RBFOX2: variants seen among roughly 807,000 people sequenced by gnomAD.
RBFOX2 encodes the protein RNA binding fox-1 homolog 2.
In RBFOX2, 10 loss-of-function variants were observed where a neutral mutation model predicts 49.1. The observed-to-expected ratio is 0.20, with a 90% confidence interval of 0.13 to 0.35. RBFOX2 has a LOEUF of 0.35. Among genes scored for constraint, RBFOX2 ranks in the 10% least tolerant of loss-of-function variants. The pLI, the probability that RBFOX2 is intolerant of heterozygous loss-of-function variation, is 1.00. For missense variants in RBFOX2, 323 were observed against 486.9 expected (o/e 0.66, Z 3.17); for synonymous variants, 183 against 187.4 (o/e 0.98, Z 0.19).
chr22:35,878,281 C>T (rs1240034323), intron 1 of RBFOX2, among the ~76,000 whole-genome samples: 1 of 152,052 alleles, frequency 6.6e-6, no homozygotes, highest in African/African-American at 2.4e-5. Context: ...ACCTTTAAAC[C>T]CAGCTACTCA....
At chr22:35,849,058 T>C (rs2041566365) in intron 1 of RBFOX2, among the ~76,000 whole-genome samples, 1 of 152,182 alleles carries the variant, frequency 6.6e-6, no homozygotes, top group South Asian at 2.1e-4. Flanking sequence ...AATAAGATGT[T>C]ACTAATGTCA....
At chr22:35,886,681 A>G (rs954394650) in intron 1 of RBFOX2, among the ~76,000 whole-genome samples, 2 of 152,258 alleles carry the variant, frequency 1.3e-5, no homozygotes, top group African/African-American at 2.4e-5. Context: ...AAGGGACAGT[A>G]AAGATACAAT....
chr22:35,800,305 C>T (rs1198219417), intron 2 of RBFOX2, among the ~76,000 whole-genome samples: 3 of 152,138 alleles, frequency 2.0e-5, no homozygotes, highest in Non-Finnish European at 1.5e-5. Context: ...ACCCTGCATA[C>T]GCTGTGACAG....
At position 35,832,365 on chromosome 22, in the gene RBFOX2, CCT is replaced by C. The variant is rs548332846; in HGVS notation, c.27+7825_27+7826del. On this transcript the variant is annotated intron_variant, in intron 1 of 11. Coordinates refer to ENST00000405409, the Ensembl canonical transcript of RBFOX2. ...TCCAACCTGGGCGAAAGAGTGAGAC[CCT>C]GTCTCAAAAACAACAAAAAAGAAAC... Among the ~76,000 whole-genome samples, 211 of 151,866 alleles carry C rather than the reference CCT, an allele frequency of 1.4e-3. 1 individual carries two copies. The highest frequency in any genetic ancestry group is 5.0e-3 in the African/African-American group (209 of 41,400).
chr22:35,976,601 T>C (rs1277544127), intron 1 of RBFOX2, among the ~76,000 whole-genome samples: 1 of 152,156 alleles, frequency 6.6e-6, no homozygotes, highest in Non-Finnish European at 1.5e-5. Context: ...ATGAAAATAT[T>C]TACAAATGTG....
At chr22:36,026,679 G>A (rs138284214) in intron 1 of RBFOX2, among the ~76,000 whole-genome samples, 47 of 151,996 alleles carry the variant, frequency 3.1e-4, no homozygotes, top group African/African-American at 1.1e-3. Context: ...TTTTTGCCAT[G>A]GCCCTGAGCT....
chr22:35,778,001 A>C (rs772394951), intron 4 of RBFOX2, 24 bp downstream of exon 5: 1 of 1,590,350 alleles, frequency 6.3e-7, no homozygotes, highest in South Asian at 1.1e-5. Context: ...AATCAAGCAC[A>C]CTTGACACTG....
rs192845937 is a variant in RBFOX2, at chr22:35,765,563, A to G, written c.547-80T>C. 6.9e-6 allele frequency: 5 copies of G among 724,562 alleles called. No homozygotes were observed. The East Asian group carries it at 1.5e-4, about 21-fold the overall frequency. 44.9% of individuals were successfully genotyped at this position (724,562 alleles called of 1,614,324 possible). A position where few individuals can be genotyped will look rare whatever the true frequency, so the allele number is the denominator to read the frequency against. The stretch of plus-strand genomic sequence containing the variant: ...CATAAAGTTGCACATCCAATAACAG[A>G]GTATTTAGTTTAAAATGTAAATTTC... On this transcript the variant is annotated intron_variant, in intron 5 of 11. Transcript: ENST00000405409.
At chr22:35,950,599 G>A (rs1176962589) in intron 1 of RBFOX2, among the ~76,000 whole-genome samples, 2 of 152,072 alleles carry the variant, frequency 1.3e-5, no homozygotes, top group Non-Finnish European at 2.9e-5. Flanking sequence ...GTAGTTTTTG[G>A]CAACTTCAAA....
intron 1 of RBFOX2, among the ~76,000 whole-genome samples, chr22:35,930,070 C>T (rs895121848): frequency 7.0e-6 from 1 of 142,022 alleles, no homozygotes; most frequent in African/African-American, 2.7e-5. Context: ...CGCCCAGGCT[C>T]GAGTGCAGTG....
chr22:36,009,898 A>T (rs1005513930), intron 1 of RBFOX2, among the ~76,000 whole-genome samples: 1 of 152,242 alleles, frequency 6.6e-6, no homozygotes, highest in South Asian at 2.1e-4. Flanking sequence ...TTAGGTTACC[A>T]GGTGGAATAA....
At chr22:35,951,621 A>G (rs1453176904) in intron 1 of RBFOX2, among the ~76,000 whole-genome samples, 1 of 151,268 alleles carries the variant, frequency 6.6e-6, no homozygotes, top group Non-Finnish European at 1.5e-5. Context: ...CTGGACTGAT[A>G]CAAGTGAGCT....
intron 1 of RBFOX2, among the ~76,000 whole-genome samples, chr22:35,945,070 T>C (rs915733845): frequency 8.5e-5 from 13 of 152,150 alleles, no homozygotes; most frequent in African/African-American, 3.1e-4. Context: ...ACTCTGCAGT[T>C]TGGAGAGAAG....
intron 1 of RBFOX2, among the ~76,000 whole-genome samples, chr22:36,014,893 A>G (rs2058974639): frequency 6.6e-6 from 1 of 152,218 alleles, no homozygotes; most frequent in Non-Finnish European, 1.5e-5. Flanking sequence ...ATGCTTACGT[A>G]TGAAGGTAGG....
chr22:35,864,200 A>G (rs1456646746), intron 1 of RBFOX2, among the ~76,000 whole-genome samples: 1 of 152,224 alleles, frequency 6.6e-6, no homozygotes, highest in Non-Finnish European at 1.5e-5. Context: ...CAAAAAATAA[A>G]GCCAGTTTTA....
chr22:35,949,924 T>C (rs2054725929), intron 1 of RBFOX2, among the ~76,000 whole-genome samples: 1 of 152,172 alleles, frequency 6.6e-6, no homozygotes, highest in Non-Finnish European at 1.5e-5. Context: ...TGATAAAGTC[T>C]AATTTATCTG....
upstream of RBFOX2, among the ~76,000 whole-genome samples, chr22:35,842,401 T>C (rs1209453015): frequency 6.6e-6 from 1 of 152,204 alleles, no homozygotes; most frequent in Non-Finnish European, 1.5e-5. Context: ...GAATATATAG[T>C]ACTCTCTGAA....
chr22:35,756,548 G>A (rs1335592142), intron 9 of RBFOX2, among the ~76,000 whole-genome samples: 2 of 152,162 alleles, frequency 1.3e-5, no homozygotes, highest in African/African-American at 4.8e-5. Context: ...AGCTTACAAA[G>A]TAGGGTAGGG....
At position 35,856,629 on chromosome 22, in the gene RBFOX2, G is replaced by GAA. The variant is rs796462267; in HGVS notation, c.-33-46627_-33-46626dup. Among the ~76,000 whole-genome samples the GAA allele has an allele frequency of 6.0e-4, 81 of 135,266 alleles. 1 individual carries two copies. The highest frequency in any genetic ancestry group is 3.1e-3 in the South Asian group (13 of 4,214). The allele number at this position is 135,266 out of a possible 152,430, so 88.7% of individuals were successfully genotyped here. A position where few individuals can be genotyped will look rare whatever the true frequency, so the allele number is the denominator to read the frequency against. ...AGGTCAGTTCTAGAGGCCAGGAGGG[G>GAA]AAAAAAAAAAAAAAAGAGCAAAAGA... On this transcript the variant is annotated intron_variant, in intron 1 of 13. Transcript: ENST00000359369.
Sources: allele counts gnomAD v4.1 joint callset (sites outside exome capture counted in the v4.1 genomes callset), GRCh38; gene constraint gnomAD v4.1.1; transcripts MANE v1.5; gene names NCBI Gene and HGNC (gene_info 2026-07-23, HGNC 2026-07-21).